Variants in MAP4K3 observed in about 807,000 individuals in gnomAD.
MAP4K3 encodes the protein mitogen-activated protein kinase kinase kinase kinase 3, also known as MAPK/ERK kinase kinase kinase 3.
In MAP4K3, 94 loss-of-function variants were observed where a neutral mutation model predicts 143.5. That is an observed-to-expected ratio of 0.65 (90% CI 0.55 to 0.78). The LOEUF (loss-of-function observed/expected upper bound fraction) is 0.78, where lower values mean the gene tolerates loss of function less well. MAP4K3 is among the 30% of genes least tolerant of loss of function. The pLI is 0.00. For synonymous variants in MAP4K3, 416 were observed against 347.2 expected, an observed-to-expected ratio of 1.20 and a Z score of -2.20; for missense variants, 1,077 against 1,068.1, an observed-to-expected ratio of 1.01 and a Z score of -0.12.
At chr2:39,426,960 C>T (rs1229455506) in intron 1 of MAP4K3, among the ~76,000 whole-genome samples, 5 of 151,870 alleles carry the variant, frequency 3.3e-5, no homozygotes, top group Non-Finnish European at 5.9e-5. Context: ...TGAGGAAATA[C>T]GCTACTCTTC....
At chr2:39,371,878 G>C (rs1666091536) in intron 2 of MAP4K3, among the ~76,000 whole-genome samples, 1 of 150,464 alleles carries the variant, frequency 6.6e-6, no homozygotes, top group African/African-American at 2.4e-5. Flanking sequence ...TCCTCTTGCT[G>C]AATTGATCCC....
chr2:39,416,172 G>A (rs1478469963), intron 1 of MAP4K3, among the ~76,000 whole-genome samples: 1 of 150,542 alleles, frequency 6.6e-6, no homozygotes, highest in East Asian at 1.9e-4. Context: ...GTCAGATGCT[G>A]GGAGGGTGGA....
intron 1 of MAP4K3, among the ~76,000 whole-genome samples, chr2:39,410,445 C>T (rs989808015): frequency 6.6e-6 from 1 of 152,132 alleles, no homozygotes; most frequent in Non-Finnish European, 1.5e-5. Flanking sequence ...TCTTGTAAAG[C>T]TTTCTATCTT....
At chr2:39,281,410 A>G (rs1681521596) in intron 22 of MAP4K3, among the ~76,000 whole-genome samples, 1 of 152,222 alleles carries the variant, frequency 6.6e-6, no homozygotes, top group South Asian at 2.1e-4. Context: ...TTAGCTTGGC[A>G]ATACCATCAA....
chr2:39,372,666 T>C (rs1178003206), intron 2 of MAP4K3, among the ~76,000 whole-genome samples: 1 of 152,060 alleles, frequency 6.6e-6, no homozygotes, highest in Non-Finnish European at 1.5e-5. Context: ...TCAACAAAGA[T>C]ACCAAGAACA....
intron 33 of MAP4K3, 103 bp from the exon 34 acceptor site, chr2:39,250,808 C>A: frequency 2.4e-6 from 2 of 829,002 alleles, no homozygotes. Flanking sequence ...TCTATAAATG[C>A]TGCTCATTTG....
At chr2:39,392,183 C>CAA (rs3086434) in intron 1 of MAP4K3, among the ~76,000 whole-genome samples, 757 of 69,026 alleles carry the variant, frequency 0.011, 84 homozygotes, top group Non-Finnish European at 0.013. Flanking sequence ...CACTCCTACT[C>CAA]AAAAAAAAAA....
At chr2:39,388,446 G>A (rs537174409) in intron 1 of MAP4K3, among the ~76,000 whole-genome samples, 2 of 152,312 alleles carry the variant, frequency 1.3e-5, no homozygotes, top group East Asian at 3.8e-4. Flanking sequence ...TCTGTTAAAT[G>A]TATTTACTGA....
chr2:39,323,842 A>G (rs889901749), intron 12 of MAP4K3: 3 of 152,206 alleles, frequency 2.0e-5, no homozygotes, highest in African/African-American at 7.2e-5. Flanking sequence ...TATTTATAAT[A>G]CACTGTAAAT....
intron 22 of MAP4K3, among the ~76,000 whole-genome samples, chr2:39,280,985 A>G (rs539196323): frequency 3.7e-4 from 56 of 152,342 alleles, no homozygotes; most frequent in Admixed American, 7.8e-4. Context: ...TAATAAATAT[A>G]TCATAATGAA....
At chr2:39,373,765 T>C (rs962148835) in intron 2 of MAP4K3, among the ~76,000 whole-genome samples, 1 of 151,906 alleles carries the variant, frequency 6.6e-6, no homozygotes. Flanking sequence ...AGATAGAGAG[T>C]AGAAGCATGG....
chr2:39,306,475 A>G (rs1478391502), intron 15 of MAP4K3, among the ~76,000 whole-genome samples: 3 of 152,036 alleles, frequency 2.0e-5, no homozygotes, highest in Admixed American at 6.6e-5. Flanking sequence ...CTTCTTCCCT[A>G]CTTCCAATGT....
At chr2:39,431,598 A>T (rs1240147276) in intron 1 of MAP4K3, among the ~76,000 whole-genome samples, 1 of 152,160 alleles carries the variant, frequency 6.6e-6, no homozygotes, top group Non-Finnish European at 1.5e-5. Context: ...ACTTTAAACG[A>T]AGAAGCAAGC....
chr2:39,260,690 C>A lies in MAP4K3; in HGVS notation c.2224G>T (p.Val742Phe). The change falls in exon 29 of 34, where the codon GTC becomes TTC. Residue 742 changes from valine (V) to phenylalanine (F), a missense_variant. By Grantham distance (50) the Val-to-Phe change is conservative. Transcript: ENST00000263881. ...TGGTTGAAGTCTCTACCTCTACTGA[C>A]ACCAACACAAACTAAAGGGTACTCC... The part of the protein sequence containing the change: ...EQEYPLVCVG[V>F]SRGRDFNQVV... 1 of 1,613,932 alleles carries A rather than the reference C, an allele frequency of 6.2e-7. No individual in the cohort carries two copies. The highest frequency in any genetic ancestry group is 8.5e-7 in the Non-Finnish European group (1 of 1,179,812).
At chr2:39,285,991 T>C (rs1348051718) in intron 21 of MAP4K3, among the ~76,000 whole-genome samples, 1 of 152,180 alleles carries the variant, frequency 6.6e-6, no homozygotes, top group Non-Finnish European at 1.5e-5. Flanking sequence ...GTGATAGGAG[T>C]AGCTGCTAAG....
intron 2 of MAP4K3, among the ~76,000 whole-genome samples, chr2:39,367,952 T>C (rs989332581): frequency 6.6e-6 from 1 of 152,196 alleles, no homozygotes; most frequent in Admixed American, 6.5e-5. Flanking sequence ...AAACATTCTC[T>C]AGTGCAAATG....
intron 1 of MAP4K3, among the ~76,000 whole-genome samples, chr2:39,404,671 G>C (rs958977784): frequency 5.6e-5 from 8 of 142,362 alleles, no homozygotes; most frequent in African/African-American, 2.1e-4. Flanking sequence ...GCCCAGGCTG[G>C]AGTGCAACGG....
intron 2 of MAP4K3, among the ~76,000 whole-genome samples, chr2:39,364,040 T>G (rs72801461): frequency 5.3e-4 from 78 of 148,370 alleles, no homozygotes; most frequent in Admixed American, 1.0e-3. Flanking sequence ...GTCCAGGATA[T>G]GAATACCCCC....
At chr2:39,251,074 A>G (rs1680139618) in intron 33 of MAP4K3, among the ~76,000 whole-genome samples, 1 of 152,244 alleles carries the variant, frequency 6.6e-6, no homozygotes, top group South Asian at 2.1e-4. Flanking sequence ...CAATGGATGA[A>G]TAACGTACCC....
Sources: gnomAD v4.1 joint callset for allele counts (sites outside exome capture counted in the v4.1 genomes callset) on GRCh38, gnomAD v4.1.1 for gene constraint, MANE v1.5 for transcripts, NCBI Gene and HGNC (gene_info 2026-07-23, HGNC 2026-07-21) for gene names.